The following ALS2 variants were observed in gnomAD, a reference collection of about 807,000 sequenced individuals.
The protein encoded by ALS2 is alsin.
Under a neutral mutation model 203.4 loss-of-function variants are expected in ALS2, and 117 were observed. That is an observed-to-expected ratio of 0.58 (90% CI 0.50 to 0.67). The LOEUF (loss-of-function observed/expected upper bound fraction) is 0.67. Among genes scored for constraint, ALS2 ranks in the 30% least tolerant of loss-of-function variants. The pLI is 0.00. For missense variants in ALS2, 1,715 were observed against 1,989.4 expected (o/e 0.86, Z 2.62); for synonymous variants, 718 against 725.9 (o/e 0.99, Z 0.17).
At chr2:201,750,884 G>A (rs554291395) in intron 7 of ALS2, among the ~76,000 whole-genome samples, 7 of 139,384 alleles carry the variant, frequency 5.0e-5, no homozygotes, top group African/African-American at 1.9e-4. Flanking sequence ...GCAGAGTCTC[G>A]ATCTTGTCAC....
chr2:201,778,924 T>C (rs1419975567), intron 1 of ALS2, among the ~76,000 whole-genome samples: 1 of 152,178 alleles, frequency 6.6e-6, no homozygotes, highest in Non-Finnish European at 1.5e-5. Flanking sequence ...TTTCAACTCA[T>C]ACTTTACCTA....
intron 24 of ALS2, 139 bp from the exon 25 acceptor site, chr2:201,715,978 A>G: frequency 1.1e-6 from 1 of 877,440 alleles, no homozygotes; most frequent in Non-Finnish European, 1.8e-6. Context: ...TTCTATTTTT[A>G]AAACACTAAA....
At chr2:201,749,406 G>C (rs1692881647) in intron 8 of ALS2, among the ~76,000 whole-genome samples, 1 of 152,094 alleles carries the variant, frequency 6.6e-6, no homozygotes. Flanking sequence ...GTAACGCTGA[G>C]AAAACAGCAG....
At chr2:201,710,116 A>G in intron 26 of ALS2, 78 bp from the exon 27 acceptor site, 1 of 1,506,294 alleles carries the variant, frequency 6.6e-7, no homozygotes, top group Non-Finnish European at 9.2e-7. Flanking sequence ...AAACAACTTC[A>G]TAAATGACAC....
At chr2:201,750,852 CTTTT>C (rs550778369) in intron 7 of ALS2, among the ~76,000 whole-genome samples, 1 of 137,498 alleles carries the variant, frequency 7.3e-6, no homozygotes. Flanking sequence ...TTTCCAATTC[CTTTT>C]TTTTTTTTTT....
At chr2:201,762,488 G>A (rs1207591783) in intron 3 of ALS2, among the ~76,000 whole-genome samples, 3 of 152,134 alleles carry the variant, frequency 2.0e-5, no homozygotes, top group Non-Finnish European at 4.4e-5. Context: ...TGGATTTCAG[G>A]TCCAGGTTTT....
Position 201,761,477 on chromosome 2 carries a change from C to T in ALS2, c.517G>A (p.Ala173Thr). The change falls in exon 4 of 34, where the codon GCA becomes ACA. Residue 173 changes from alanine (A) to threonine (T), a missense_variant. Transcript: ENST00000264276. ...LALSISREIW[A>T]WGTGCQLGLI... is the part of the protein sequence containing the mutation. ...CCCAACTGACAACCGGTACCCCATG[C>T]CCAAATCTCTCTGCTTATTGACAAT... 1 of 1,609,410 alleles carries T rather than the reference C, an allele frequency of 6.2e-7. No homozygotes were observed. Among genetic ancestry groups the T allele is most frequent in the South Asian group, 1.1e-5 (1 of 90,966 alleles).
At chr2:201,754,408 T>C in intron 6 of ALS2, 95 bp downstream of exon 6, 1 of 1,489,126 alleles carries the variant, frequency 6.7e-7, no homozygotes, top group Non-Finnish European at 9.4e-7. Flanking sequence ...AGAGCCCAGA[T>C]TTCCTCTATG....
At chr2:201,732,279 C>G (rs757120440) in intron 13 of ALS2, among the ~76,000 whole-genome samples, 2 of 151,700 alleles carry the variant, frequency 1.3e-5, no homozygotes, top group Non-Finnish European at 2.9e-5. Flanking sequence ...AAGGGGCCAG[C>G]GTGGTGGCTC....
chr2:201,715,624 T>C (rs777663070), intron 25 of ALS2, 48 bp downstream of exon 25: 1 of 1,606,922 alleles, frequency 6.2e-7, no homozygotes, highest in South Asian at 1.1e-5. Flanking sequence ...GTCTTAAGTT[T>C]CATCTTCCTA....
intron 2 of ALS2, among the ~76,000 whole-genome samples, chr2:201,768,531 C>T (rs1373926348): frequency 1.3e-5 from 2 of 152,240 alleles, no homozygotes; most frequent in East Asian, 1.9e-4. Flanking sequence ...TACATTTAAC[C>T]TTCCTTTTAA....
intron 12 of ALS2, among the ~76,000 whole-genome samples, chr2:201,736,591 G>T (rs1348829581): frequency 6.6e-6 from 1 of 151,888 alleles, no homozygotes; most frequent in Non-Finnish European, 1.5e-5. Context: ...AAAGTAGAAG[G>T]AAATAAAAAG....
intron 2 of ALS2, among the ~76,000 whole-genome samples, chr2:201,767,792 C>T (rs1006518884): frequency 7.4e-5 from 11 of 149,634 alleles, no homozygotes; most frequent in African/African-American, 2.5e-4. Flanking sequence ...CGCTTGAACC[C>T]GGGAGGCGGA....
intron 3 of ALS2, among the ~76,000 whole-genome samples, chr2:201,765,990 T>C (rs1366895539): frequency 1.3e-5 from 2 of 152,168 alleles, no homozygotes; most frequent in Admixed American, 6.5e-5. Flanking sequence ...TGAATAATAA[T>C]AGAAGCTACC....
In ALS2 at chr2:201,701,795, A is replaced by G. The variant is rs950508219; in HGVS notation, c.*56T>C. The G allele has an allele frequency of 5.8e-6, 9 of 1,541,112 alleles. No homozygotes were observed. Among genetic ancestry groups the G allele is most frequent in the Middle Eastern group, 1.7e-4 (1 of 5,946 alleles). On this transcript the variant is annotated 3_prime_UTR_variant, in exon 34 of 34. Transcript: ENST00000264276. ...TTTTTTGCCACTACAGGAAGACTCC[A>G]GATGGTGTTATAACACTCTGTAGTA...
intron 13 of ALS2, among the ~76,000 whole-genome samples, chr2:201,731,035 T>G (rs368849960): frequency 6.6e-6 from 1 of 152,232 alleles, no homozygotes; most frequent in East Asian, 1.9e-4. Flanking sequence ...AAACCAAGTT[T>G]TGAGAAACAA....
intron 1 of ALS2, among the ~76,000 whole-genome samples, chr2:201,772,456 G>A (rs1694439593): frequency 6.6e-6 from 1 of 152,188 alleles, no homozygotes; most frequent in Non-Finnish European, 1.5e-5. Flanking sequence ...TCATCTGACA[G>A]CAAAATCTGA....
intron 23 of ALS2, among the ~76,000 whole-genome samples, chr2:201,721,419 T>C (rs1690784688): frequency 6.6e-6 from 1 of 152,216 alleles, no homozygotes; most frequent in Non-Finnish European, 1.5e-5. Context: ...TTACTAGGAA[T>C]CAACAGTAAT....
intron 13 of ALS2, among the ~76,000 whole-genome samples, chr2:201,732,828 A>C (rs1691658482): frequency 6.6e-6 from 1 of 152,220 alleles, no homozygotes; most frequent in Non-Finnish European, 1.5e-5. Context: ...GATTCCTCTC[A>C]GCATTTGCTA....
Sources: allele counts gnomAD v4.1 joint callset (sites outside exome capture counted in the v4.1 genomes callset), GRCh38; gene constraint gnomAD v4.1.1; transcripts MANE v1.5; gene names NCBI Gene and HGNC (gene_info 2026-07-23, HGNC 2026-07-21).